GPHN: variants seen among roughly 807,000 people sequenced by gnomAD.
GPHN encodes gephyrin.
GPHN carries 17 observed loss-of-function variants against 95.5 expected under a neutral mutation model. The ratio of observed to expected loss-of-function variants is 0.18; its 90% CI spans 0.12 to 0.27. GPHN has a LOEUF of 0.27. GPHN is among the 10% of genes least tolerant of loss of function. GPHN has a pLI of 1.00. For missense variants in GPHN, 660 were observed against 978.1 expected (o/e 0.67, Z 4.34); for synonymous variants, 320 against 322.5 (o/e 0.99, Z 0.08).
chr14:67,056,819 G>T (rs950550619), intron 10 of GPHN, among the ~76,000 whole-genome samples: 3 of 152,014 alleles, frequency 2.0e-5, no homozygotes, highest in African/African-American at 4.8e-5. Context: ...GGTGGGGGGG[G>T]GTCACTCAGG....
At chr14:67,026,821 T>A (rs1338979129) in intron 10 of GPHN, among the ~76,000 whole-genome samples, 1 of 152,106 alleles carries the variant, frequency 6.6e-6, no homozygotes, top group Admixed American at 6.5e-5. Context: ...TTTTTGTATT[T>A]TTAGTAGAGA....
intron 1 of GPHN, among the ~76,000 whole-genome samples, chr14:66,638,179 A>G (rs866394557): frequency 1.8e-4 from 28 of 152,246 alleles, no homozygotes; most frequent in Middle Eastern, 3.4e-3. Flanking sequence ...GCTTTCTTCA[A>G]CTGCCCTTAA....
chr14:67,417,015 C>T, the GPHN span, among the ~76,000 whole-genome samples: 6 of 152,248 alleles, frequency 3.9e-5, no homozygotes, highest in Admixed American at 2.0e-4. Flanking sequence ...ATCAAGACCA[C>T]GGACTGTGTG....
chr14:66,717,538 T>C (rs1285175705), intron 2 of GPHN, among the ~76,000 whole-genome samples: 1 of 152,200 alleles, frequency 6.6e-6, no homozygotes, highest in East Asian at 1.9e-4. Context: ...TTTGTATCAA[T>C]TGATGGTGAG....
At chr14:66,934,398 C>T (rs77118411) in intron 8 of GPHN, among the ~76,000 whole-genome samples, 3,687 of 152,252 alleles carry the variant, frequency 0.024, 70 homozygotes, top group Non-Finnish European at 0.036. Context: ...CAGTCATTTT[C>T]CATTCCCTCT....
the GPHN span, chr14:67,364,878 G>A: frequency 6.2e-7 from 1 of 1,613,840 alleles, no homozygotes; most frequent in Admixed American, 1.7e-5. Flanking sequence ...TCAGCTTGCT[G>A]GAATACAACA....
the GPHN span, among the ~76,000 whole-genome samples, chr14:67,582,709 C>T: frequency 2.4e-4 from 37 of 151,832 alleles, no homozygotes; most frequent in Non-Finnish European, 4.9e-4. This position sits in a 1 kb window ranked among gnomAD's most constrained non-coding sequence, Gnocchi z 5.0. Flanking sequence ...TGGTGGTGGG[C>T]GCCTGTAATC....
the GPHN span, among the ~76,000 whole-genome samples, chr14:67,401,427 G>A: frequency 9.2e-5 from 14 of 152,036 alleles, no homozygotes; most frequent in African/African-American, 3.4e-4. Flanking sequence ...TGGGAGGATT[G>A]CTGGGGCCCA....
At chr14:67,233,859 T>C in the GPHN span, among the ~76,000 whole-genome samples, 1 of 152,222 alleles carries the variant, frequency 6.6e-6, no homozygotes, top group African/African-American at 2.4e-5. Context: ...GCAATACTCA[T>C]TAGAAATCTA....
rs2057874044 is a variant in GPHN at position 66,508,387 on chromosome 14, C to T, written c.-141C>T. The T allele has an allele frequency of 2.5e-6, 2 of 800,120 alleles. No homozygotes were observed. The highest frequency in any genetic ancestry group is 1.7e-5 in the African/African-American group (1 of 59,390). 49.6% of individuals were successfully genotyped at this position (800,120 alleles called of 1,614,324 possible). On this transcript the variant is annotated 5_prime_UTR_variant, in exon 1 of 23. Transcript: ENST00000478722. ...CGCAGGCCACCGTGCACTCTGTGGC[C>T]TCCCCCTCCTTCCCCGCTCTCCTCG...
intron 9 of GPHN, among the ~76,000 whole-genome samples, chr14:67,007,126 A>G (rs1426117026): frequency 6.6e-6 from 1 of 152,198 alleles, no homozygotes; most frequent in Non-Finnish European, 1.5e-5. Flanking sequence ...ATTTTAATGT[A>G]TACAATTTTT....
At chr14:66,739,245 C>T (rs2072573439) in intron 2 of GPHN, among the ~76,000 whole-genome samples, 1 of 138,156 alleles carries the variant, frequency 7.2e-6, no homozygotes, top group Non-Finnish European at 1.5e-5. Context: ...GAGACAGAGT[C>T]TCGCTCTGTC....
chr14:67,621,300 G>A, the GPHN span, among the ~76,000 whole-genome samples: 2 of 152,138 alleles, frequency 1.3e-5, no homozygotes, highest in South Asian at 4.1e-4. Flanking sequence ...TCCATCTTGA[G>A]ATGCTTATGA....
chr14:66,895,428 A>C (rs1287034886), intron 5 of GPHN, among the ~76,000 whole-genome samples: 1 of 152,186 alleles, frequency 6.6e-6, no homozygotes, highest in Non-Finnish European at 1.5e-5. Flanking sequence ...TAATGGGTGC[A>C]GCAAACCAAC....
intron 2 of GPHN, chr14:66,761,058 G>T: frequency 2.1e-6 from 1 of 484,042 alleles, no homozygotes. Context: ...ATTTGAAGAT[G>T]CCCTTTGGAG....
intron 22 of GPHN, 23 bp from the exon 23 acceptor site, chr14:67,180,781 G>C (rs1437400584): frequency 1.2e-6 from 2 of 1,611,306 alleles, no homozygotes; most frequent in Admixed American, 1.7e-5. Context: ...TTATGCTGCT[G>C]TAATAAGAGT....
At chr14:67,028,538 G>T (rs1233754561) in intron 10 of GPHN, among the ~76,000 whole-genome samples, 1 of 151,670 alleles carries the variant, frequency 6.6e-6, no homozygotes, top group East Asian at 1.9e-4. Flanking sequence ...GTTAGTTTTT[G>T]TTTTTTTATA....
the GPHN span, among the ~76,000 whole-genome samples, chr14:67,410,767 TAGA>T: frequency 6.6e-6 from 1 of 152,148 alleles, no homozygotes; most frequent in Admixed American, 6.5e-5. Flanking sequence ...GAAAACTCAG[TAGA>T]AGAACCAGAA....
intron 5 of GPHN, among the ~76,000 whole-genome samples, chr14:66,884,023 A>G (rs1482886500): frequency 1.3e-5 from 2 of 152,090 alleles, no homozygotes; most frequent in African/African-American, 4.8e-5. Context: ...TTTCTTACAG[A>G]GTATTAACTC....
Sources: gnomAD v4.1 joint callset for allele counts (sites outside exome capture counted in the v4.1 genomes callset) on GRCh38, gnomAD v4.1.1 for gene constraint, Gnocchi (gnomAD v3.1) non-coding constraint, MANE v1.5 for transcripts, NCBI Gene and HGNC (gene_info 2026-07-23, HGNC 2026-07-21) for gene names.